Variants in XNDC1N observed in about 807,000 individuals in gnomAD.
XNDC1N encodes protein XNDC1N.
At chr11:71,901,827 C>T in the XNDC1N span, among the ~76,000 whole-genome samples, 2 of 152,012 alleles carry the variant, frequency 1.3e-5, no homozygotes, top group East Asian at 1.9e-4. Context: ...TTAAGCTGAT[C>T]GTGGGTGCCC....
chr11:71,871,817 C>T, the XNDC1N span, among the ~76,000 whole-genome samples: 63 of 152,234 alleles, frequency 4.1e-4, no homozygotes, highest in African/African-American at 1.3e-3. Flanking sequence ...TGAGAAGCCA[C>T]TTAACACACA....
the XNDC1N span, among the ~76,000 whole-genome samples, chr11:71,897,060 C>T: frequency 2.6e-5 from 4 of 152,134 alleles, no homozygotes; most frequent in Non-Finnish European, 5.9e-5. Flanking sequence ...CTATGTCACA[C>T]CAGGTGCAAA....
the XNDC1N span, among the ~76,000 whole-genome samples, chr11:71,906,150 T>C: frequency 6.6e-6 from 1 of 151,798 alleles, no homozygotes; most frequent in African/African-American, 2.4e-5. Context: ...AAGAGTGACA[T>C]CCCCCTGGAG....
chr11:71,922,057 G>C, the XNDC1N span, among the ~76,000 whole-genome samples: 1 of 152,056 alleles, frequency 6.6e-6, no homozygotes, highest in Non-Finnish European at 1.5e-5. Flanking sequence ...CTACACAGGA[G>C]GCTGAGGCAG....
the XNDC1N span, among the ~76,000 whole-genome samples, chr11:71,924,433 C>T: frequency 1.3e-5 from 2 of 152,026 alleles, no homozygotes; most frequent in African/African-American, 4.8e-5. Flanking sequence ...AATCCCAGCA[C>T]TTTGGGAGGC....
chr11:71,927,630 A>G, the XNDC1N span: 1 of 152,204 alleles, frequency 6.6e-6, no homozygotes, highest in African/African-American at 2.4e-5. Flanking sequence ...AACACAAGCT[A>G]ATTCTAATTC....
chr11:71,912,467 T>C, the XNDC1N span, among the ~76,000 whole-genome samples: 4 of 152,250 alleles, frequency 2.6e-5, no homozygotes, highest in East Asian at 1.9e-4. Context: ...GTTTCCTACG[T>C]TGTTGCGAGT....
the XNDC1N span, among the ~76,000 whole-genome samples, chr11:71,869,516 C>G: frequency 0.2 from 30,974 of 152,144 alleles, 5,909 homozygotes; most frequent in African/African-American, 0.5. Context: ...AAACATACGT[C>G]TGCATCAGCA....
the XNDC1N span, chr11:71,916,083 C>T: frequency 7.3e-5 from 51 of 702,910 alleles, no homozygotes; most frequent in Non-Finnish European, 1.3e-4. Flanking sequence ...CCTTGTTCAG[C>T]ACAGAGCTCA....
the XNDC1N span, among the ~76,000 whole-genome samples, chr11:71,899,859 A>G: frequency 2.0e-5 from 3 of 152,178 alleles, no homozygotes. Context: ...CAGTTGAGAG[A>G]GAGGAAGGCC....
chr11:71,909,580 A>C, the XNDC1N span, among the ~76,000 whole-genome samples: 1 of 152,228 alleles, frequency 6.6e-6, no homozygotes, highest in African/African-American at 2.4e-5. Context: ...GCCTCTGGTC[A>C]GAATGATAGT....
At chr11:71,899,759 C>T in the XNDC1N span, among the ~76,000 whole-genome samples, 1 of 152,168 alleles carries the variant, frequency 6.6e-6, no homozygotes, top group South Asian at 2.1e-4. Flanking sequence ...AAAGTGGCCT[C>T]GTGGGAGGAG....
the XNDC1N span, among the ~76,000 whole-genome samples, chr11:71,922,972 G>A: frequency 6.6e-6 from 1 of 152,216 alleles, no homozygotes; most frequent in African/African-American, 2.4e-5. Flanking sequence ...ATTACCTCAA[G>A]TGTCCTACCC....
chr11:71,928,466 G>A, the XNDC1N span: 3 of 702,414 alleles, frequency 4.3e-6, no homozygotes, highest in Non-Finnish European at 7.8e-6. Flanking sequence ...TTCTGACCCC[G>A]AGAGCTACTC....
At chr11:71,922,108 C>T in the XNDC1N span, among the ~76,000 whole-genome samples, 82 of 151,758 alleles carry the variant, frequency 5.4e-4, no homozygotes, top group African/African-American at 1.8e-3. Context: ...TGTGGTGAGC[C>T]GAGATCACAC....
the XNDC1N span, among the ~76,000 whole-genome samples, chr11:71,896,025 C>T: frequency 6.6e-6 from 1 of 152,176 alleles, no homozygotes; most frequent in African/African-American, 2.4e-5. Flanking sequence ...GGCCTGTAAT[C>T]CCAGCACTCT....
the XNDC1N span, among the ~76,000 whole-genome samples, chr11:71,895,475 A>ATTTTTT: frequency 3.6e-3 from 356 of 98,306 alleles, no homozygotes; most frequent in Non-Finnish European, 5.3e-3. Flanking sequence ...ATGCCTGGCT[A>ATTTTTT]TTTTTTTTTT....
the XNDC1N span, among the ~76,000 whole-genome samples, chr11:71,885,983 T>C: frequency 2.0e-5 from 3 of 151,750 alleles, no homozygotes; most frequent in Non-Finnish European, 2.9e-5. Flanking sequence ...ATTATTAGTG[T>C]CAATTAATAA....
the XNDC1N span, among the ~76,000 whole-genome samples, chr11:71,902,365 G>A: frequency 0.021 from 2,926 of 139,288 alleles, 2 homozygotes; most frequent in African/African-American, 0.063. Flanking sequence ...CGAAGTGTTT[G>A]TATTTTTAGT....
Sources: allele counts gnomAD v4.1 joint callset (sites outside exome capture counted in the v4.1 genomes callset), GRCh38; gene constraint gnomAD v4.1.1; transcripts MANE v1.5; gene names NCBI Gene and HGNC (gene_info 2026-07-23, HGNC 2026-07-21).